The following KCNK13 variants were observed in gnomAD, a reference collection of about 807,000 sequenced individuals.
The protein encoded by KCNK13 is potassium two pore domain channel subfamily K member 13.
In KCNK13, 12 loss-of-function variants were observed where a neutral mutation model predicts 23.4. That is an observed-to-expected ratio of 0.51 (90% confidence interval 0.33 to 0.83). KCNK13 has a LOEUF of 0.83. KCNK13 is among the 40% of genes least tolerant of loss of function. KCNK13 has a pLI of 0.02. For synonymous variants in KCNK13, 231 were observed against 229.5 expected (o/e 1.01, Z -0.06); for missense variants, 463 against 556.3 (o/e 0.83, Z 1.69).
chr14:90,179,758 T>C (rs1385048873), intron 1 of KCNK13, among the ~76,000 whole-genome samples: 1 of 152,220 alleles, frequency 6.6e-6, no homozygotes, highest in Non-Finnish European at 1.5e-5. Flanking sequence ...TTCATTTGTA[T>C]ACCTACAAAA....
intron 1 of KCNK13, among the ~76,000 whole-genome samples, chr14:90,138,002 G>A (rs986262959): frequency 5.3e-5 from 8 of 152,112 alleles, no homozygotes; most frequent in South Asian, 2.1e-4. Context: ...TTATTCACCC[G>A]TTGGCATCCT....
intron 1 of KCNK13, among the ~76,000 whole-genome samples, chr14:90,148,913 TAC>T (rs1890103696): frequency 6.6e-6 from 1 of 152,188 alleles, no homozygotes; most frequent in Non-Finnish European, 1.5e-5. Context: ...GAATTACAAA[TAC>T]ACTGTAAAAG....
intron 1 of KCNK13, among the ~76,000 whole-genome samples, chr14:90,160,449 C>T (rs191621368): frequency 6.0e-4 from 92 of 152,132 alleles, no homozygotes; most frequent in African/African-American, 2.2e-3. Flanking sequence ...GAGGTCAGGG[C>T]CTGTACAAAC....
At chr14:90,070,762 A>G (rs1346577975) in intron 1 of KCNK13, among the ~76,000 whole-genome samples, 1 of 152,176 alleles carries the variant, frequency 6.6e-6, no homozygotes, top group Non-Finnish European at 1.5e-5. Context: ...GTGTTGTTTC[A>G]TGCGAACAAT....
intron 1 of KCNK13, among the ~76,000 whole-genome samples, chr14:90,076,820 A>AC (rs1889140628): frequency 6.6e-6 from 1 of 150,796 alleles, no homozygotes; most frequent in African/African-American, 2.4e-5. Flanking sequence ...TTAAAAAAAA[A>AC]TTTTTTTTTT....
intron 1 of KCNK13, among the ~76,000 whole-genome samples, chr14:90,105,213 T>C (rs543610817): frequency 1.3e-5 from 2 of 152,262 alleles, no homozygotes; most frequent in African/African-American, 4.8e-5. Context: ...GCTGGTCTCC[T>C]GTCTCCTGAT....
chr14:90,182,965 G>A (rs918962557), intron 1 of KCNK13, among the ~76,000 whole-genome samples: 1 of 152,036 alleles, frequency 6.6e-6, no homozygotes, highest in Admixed American at 6.6e-5. Context: ...CCACCCATCA[G>A]CCTTCTCATG....
chr14:90,126,316 C>T (rs184441281), intron 1 of KCNK13, among the ~76,000 whole-genome samples: 30 of 152,188 alleles, frequency 2.0e-4, no homozygotes, highest in South Asian at 6.2e-4. Flanking sequence ...GGAAACAGCA[C>T]GGGCCGAGGA....
intron 1 of KCNK13, among the ~76,000 whole-genome samples, chr14:90,063,961 G>A (rs989766937): frequency 3.3e-5 from 5 of 152,132 alleles, no homozygotes; most frequent in Admixed American, 6.5e-5. Context: ...GGCCATGATG[G>A]CACCACCATA....
rs138752114 is a variant in KCNK13 at position 90,149,110 on chromosome 14, A to C, written c.335-35001A>C. The stretch of plus-strand genomic sequence containing the variant: ...GGTGGCTCACACCTATAATCCCAGC[A>C]CTTTGGGAAGCTGAGGCGGGGTGGA... On this transcript the variant is annotated intron_variant, in intron 1 of 1. Transcript: ENST00000282146. Among the ~76,000 whole-genome samples the C allele has an allele frequency of 7.2e-5, 11 of 152,278 alleles. No individual in the cohort carries two copies. The East Asian group carries it at 2.1e-3, about 29-fold the overall frequency.
intron 1 of KCNK13, among the ~76,000 whole-genome samples, chr14:90,082,382 A>G (rs552053538): frequency 2.3e-4 from 35 of 152,014 alleles, no homozygotes; most frequent in Non-Finnish European, 4.3e-4. Context: ...TTCTTTATTA[A>G]TTATCTGGTC....
chr14:90,151,319 A>C (rs993975018), intron 1 of KCNK13, among the ~76,000 whole-genome samples: 1 of 152,226 alleles, frequency 6.6e-6, no homozygotes, highest in Non-Finnish European at 1.5e-5. Context: ...TTTGGCAGGA[A>C]TAGCCATCCT....
At chr14:90,122,170 A>C (rs1174977273) in intron 1 of KCNK13, among the ~76,000 whole-genome samples, 1 of 151,980 alleles carries the variant, frequency 6.6e-6, no homozygotes, top group African/African-American at 2.4e-5. Context: ...TTAGATTTTC[A>C]CTATTTTTTT....
chr14:90,181,552 G>A (rs1890486131), intron 1 of KCNK13, among the ~76,000 whole-genome samples: 1 of 152,142 alleles, frequency 6.6e-6, no homozygotes, highest in African/African-American at 2.4e-5. Flanking sequence ...TATGAATTTG[G>A]GGGGCACATA....
intron 1 of KCNK13, among the ~76,000 whole-genome samples, chr14:90,176,568 G>T (rs1404330449): frequency 6.6e-6 from 1 of 152,104 alleles, no homozygotes; most frequent in East Asian, 1.9e-4. Context: ...GGCTTAAACT[G>T]TTAGCATCAA....
intron 1 of KCNK13, among the ~76,000 whole-genome samples, chr14:90,097,375 T>C (rs1463878137): frequency 6.6e-6 from 1 of 152,086 alleles, no homozygotes. Context: ...AACAACCCAC[T>C]GTCAAGGGAA....
intron 1 of KCNK13, among the ~76,000 whole-genome samples, chr14:90,139,855 G>A (rs1053083169): frequency 6.6e-5 from 10 of 152,146 alleles, no homozygotes; most frequent in African/African-American, 1.9e-4. Flanking sequence ...CCACCTACTC[G>A]GGAGGCTGAA....
At chr14:90,078,478 A>G (rs1033081494) in intron 1 of KCNK13, among the ~76,000 whole-genome samples, 1 of 151,534 alleles carries the variant, frequency 6.6e-6, no homozygotes, top group South Asian at 2.1e-4. Flanking sequence ...GGAGGGAAGG[A>G]AGGAAGGAAG....
chr14:90,090,845 T>C (rs1056684021), intron 1 of KCNK13, among the ~76,000 whole-genome samples: 7 of 152,206 alleles, frequency 4.6e-5, no homozygotes, highest in Non-Finnish European at 1.0e-4. Flanking sequence ...CCGCCATCCA[T>C]GTAAGGCATG....
Sources: gnomAD v4.1 joint callset for allele counts (sites outside exome capture counted in the v4.1 genomes callset) on GRCh38, gnomAD v4.1.1 for gene constraint, MANE v1.5 for transcripts, NCBI Gene and HGNC (gene_info 2026-07-23, HGNC 2026-07-21) for gene names.